Variants in NAA25 observed in about 807,000 individuals in gnomAD.
The protein encoded by NAA25 is N-terminal acetyltransferase B complex subunit NAA25.
NAA25 carries 30 observed loss-of-function variants against 132.5 expected under a neutral mutation model. The observed-to-expected ratio is 0.23, with a 90% CI of 0.17 to 0.31. The LOEUF (loss-of-function observed/expected upper bound fraction) is 0.31, where lower values mean the gene tolerates loss of function less well. Ranked by LOEUF, NAA25 falls within the 10% of genes least tolerant of loss-of-function variation. The probability of loss-of-function intolerance (pLI) is 1.00; values close to 1 mark genes in which losing one functional copy is unlikely to be tolerated. For missense variants in NAA25, 771 were observed against 1,150.4 expected, an observed-to-expected ratio of 0.67 and a Z score of 4.77; for synonymous variants, 359 against 401.9, an observed-to-expected ratio of 0.89 and a Z score of 1.28.
intron 4 of NAA25, among the ~76,000 whole-genome samples, chr12:112,082,290 C>T (rs2078984465): frequency 1.3e-5 from 2 of 151,936 alleles, no homozygotes; most frequent in Admixed American, 1.3e-4. Context: ...TGTCCTAGGC[C>T]AGCCATGATG....
chr12:112,106,535 C>A (rs1018490920), intron 1 of NAA25, among the ~76,000 whole-genome samples: 2 of 152,106 alleles, frequency 1.3e-5, no homozygotes, highest in African/African-American at 4.8e-5. Context: ...AGGGCAAGGG[C>A]ATGAGAATAT....
At chr12:112,087,009 CAAAAAAAAAA>C (rs57089089) in intron 4 of NAA25, among the ~76,000 whole-genome samples, 1 of 70,552 alleles carries the variant, frequency 1.4e-5, no homozygotes, top group Non-Finnish European at 3.3e-5. Flanking sequence ...ACTCCATCTC[CAAAAAAAAAA>C]AAAAAAAAAA....
At chr12:112,063,481 A>G (rs2078667479) in intron 11 of NAA25, among the ~76,000 whole-genome samples, 1 of 152,208 alleles carries the variant, frequency 6.6e-6, no homozygotes. Context: ...AAATTTGCTT[A>G]TTCAGTGATA....
At chr12:112,033,064 C>T (rs929647682) in intron 23 of NAA25, among the ~76,000 whole-genome samples, 169 bp downstream of exon 23, 3 of 152,164 alleles carry the variant, frequency 2.0e-5, no homozygotes, top group Admixed American at 1.3e-4. Flanking sequence ...AAAAAACCTA[C>T]CACCAACAAC....
intron 10 of NAA25, among the ~76,000 whole-genome samples, chr12:112,069,361 G>A (rs1221479833): frequency 1.3e-5 from 2 of 152,006 alleles, no homozygotes; most frequent in Non-Finnish European, 2.9e-5. Flanking sequence ...AAAATTAGCT[G>A]GGCGTGGCAG....
chr12:112,104,345 C>T (rs2079333084), intron 1 of NAA25, among the ~76,000 whole-genome samples: 1 of 151,950 alleles, frequency 6.6e-6, no homozygotes, highest in African/African-American at 2.4e-5. Context: ...AAGTGCCATA[C>T]CTGACCATCA....
intron 11 of NAA25, chr12:112,064,387 C>T (rs1261326152): frequency 6.6e-6 from 1 of 152,130 alleles, no homozygotes; most frequent in Admixed American, 6.6e-5. Flanking sequence ...TGCACCACCA[C>T]ACCTGGCTAA....
chr12:112,038,654 GGAA>G (rs1312037242), intron 22 of NAA25, among the ~76,000 whole-genome samples: 4 of 152,220 alleles, frequency 2.6e-5, no homozygotes, highest in Admixed American at 6.5e-5. Flanking sequence ...GGGCCACACT[GGAA>G]GAAGAATTGT....
intron 1 of NAA25, among the ~76,000 whole-genome samples, chr12:112,107,966 C>A (rs927391770): frequency 5.9e-5 from 9 of 152,182 alleles, no homozygotes; most frequent in Non-Finnish European, 1.2e-4. Flanking sequence ...GGAGAGGGAT[C>A]TGCTTAGCAC....
rs1289422053 is a variant in NAA25 at position 112,040,387 on chromosome 12, G to GT, written c.2538+93dup. 134 of 697,792 alleles carry GT rather than the reference G, an allele frequency of 1.9e-4. 3 individuals are homozygous for GT. The East Asian group carries it at 3.7e-3, about 19-fold the overall frequency. The allele number at this position is 697,792 out of a possible 1,614,324, so 43.2% of individuals were successfully genotyped here. ...ACAGGGATGGAGGGTTAAGTTACAG[G>GT]TATAAGGTGCCTATTACCTGTTCAC... On this transcript the variant is annotated intron_variant, in intron 21 of 23. Coordinates refer to ENST00000261745, the MANE Select transcript of NAA25 (RefSeq NM_024953.4).
intron 3 of NAA25, among the ~76,000 whole-genome samples, chr12:112,088,411 C>T (rs998648280): frequency 6.7e-6 from 1 of 148,646 alleles, no homozygotes; most frequent in African/African-American, 2.5e-5. Flanking sequence ...ACTGCAGCCT[C>T]GACCTTTCAA....
intron 15 of NAA25, among the ~76,000 whole-genome samples, chr12:112,051,514 T>C (rs1366524806): frequency 1.3e-5 from 2 of 152,176 alleles, no homozygotes; most frequent in African/African-American, 4.8e-5. Context: ...CAGCCTGTAC[T>C]GTATTTTTCT....
intron 1 of NAA25, among the ~76,000 whole-genome samples, chr12:112,107,167 G>A (rs1348089320): frequency 2.6e-5 from 4 of 152,018 alleles, no homozygotes; most frequent in Admixed American, 2.6e-4. Flanking sequence ...GGCTGAGGCA[G>A]GAGAATCGCT....
At chr12:112,047,374 G>A (rs1408039410) in intron 17 of NAA25, among the ~76,000 whole-genome samples, 2 of 151,912 alleles carry the variant, frequency 1.3e-5, no homozygotes, top group African/African-American at 4.8e-5. Context: ...TGGGATTACA[G>A]GCACACGCCA....
intron 1 of NAA25, among the ~76,000 whole-genome samples, chr12:112,098,896 G>A (rs2079252745): frequency 6.6e-6 from 1 of 152,036 alleles, no homozygotes. Context: ...GAGCCACCAC[G>A]CCTGGCCCTA....
chr12:112,081,269 A>G, intron 4 of NAA25, 135 bp from the exon 5 acceptor site: 1 of 712,018 alleles, frequency 1.4e-6, no homozygotes, highest in East Asian at 2.6e-5. Flanking sequence ...ATTCCTAGTG[A>G]CTTGATGGCT....
intron 15 of NAA25, among the ~76,000 whole-genome samples, chr12:112,050,237 G>T (rs547639375): frequency 6.6e-6 from 1 of 152,096 alleles, no homozygotes; most frequent in Admixed American, 6.6e-5. Context: ...CAACCACTAG[G>T]ACCAAGGCTG....
rs777092110 is a variant in NAA25, at chr12:112,090,710, A to G, written c.283+16T>C. On this transcript the variant is annotated intron_variant, in intron 3 of 23. Transcript: ENST00000261745. ...TTCAGCTCAAGTTTAAAAACAATGA[A>G]AAGAAAGAAACATACGTCGGTGCAT... 6.3e-7 allele frequency: 1 copy of G among 1,593,776 alleles called. No homozygotes were observed. The highest frequency in any genetic ancestry group is 1.2e-5 in the South Asian group (1 of 86,746).
Position 112,108,707 on chromosome 12 carries a change from G to A in NAA25, c.58+9C>T. 1 of 1,520,480 alleles carries A rather than the reference G, an allele frequency of 6.6e-7. No homozygotes were observed. The highest frequency in any genetic ancestry group is 1.4e-5 in the African/African-American group (1 of 70,878). The allele number at this position is 1,520,480 out of a possible 1,614,324, so 94.2% of individuals were successfully genotyped here. On this transcript the variant is annotated intron_variant, in intron 1 of 23. Coordinates refer to ENST00000261745, the MANE Select transcript of NAA25 (RefSeq NM_024953.4). ...CGGGCTGGCGAGCGGGCTGGTCCAA[G>A]ACACTCACCGTAAATGGGCCGGAGG... is the stretch of plus-strand genomic sequence containing the variant.
Sources: allele counts gnomAD v4.1 joint callset (sites outside exome capture counted in the v4.1 genomes callset), GRCh38; gene constraint gnomAD v4.1.1; transcripts MANE v1.5; gene names NCBI Gene and HGNC (gene_info 2026-07-23, HGNC 2026-07-21).